Variants in CYP2J2 observed in about 807,000 individuals in gnomAD.
CYP2J2 encodes the protein cytochrome P450 2J2.
A neutral mutation model predicts 48.8 loss-of-function variants in CYP2J2; 41 were observed. That is an observed-to-expected ratio of 0.84 (90% CI 0.66 to 1.09). CYP2J2 has a LOEUF of 1.09. Among genes scored for constraint, CYP2J2 ranks in the 50% least tolerant of loss-of-function variants. The pLI, the probability that CYP2J2 is intolerant of heterozygous loss-of-function variation, is 0.00. For missense variants in CYP2J2, 644 were observed against 617.3 expected (o/e 1.04, Z -0.46); for synonymous variants, 221 against 227.1 (o/e 0.97, Z 0.24).
At chr1:59,968,262 G>A in the CYP2J2 span, among the ~76,000 whole-genome samples, 1 of 152,144 alleles carries the variant, frequency 6.6e-6, no homozygotes. Context: ...ATTGGAGTCA[G>A]ATGAAAATAT....
chr1:59,914,573 T>C (rs971834417), intron 2 of CYP2J2, among the ~76,000 whole-genome samples: 1 of 152,242 alleles, frequency 6.6e-6, no homozygotes, highest in Non-Finnish European at 1.5e-5. Context: ...CTGTGCAGGA[T>C]GTGCCTTGTT....
chr1:59,906,812 A>G (rs1289130599), intron 6 of CYP2J2, among the ~76,000 whole-genome samples: 1 of 152,206 alleles, frequency 6.6e-6, no homozygotes, highest in East Asian at 1.9e-4. Context: ...CATATAAAGC[A>G]TACATTATGC....
At chr1:59,914,263 T>C (rs1644444478) in intron 2 of CYP2J2, among the ~76,000 whole-genome samples, 1 of 152,218 alleles carries the variant, frequency 6.6e-6, no homozygotes, top group Non-Finnish European at 1.5e-5. Context: ...TCATGCCTAG[T>C]ACCATGCTTC....
chr1:59,967,215 C>T, the CYP2J2 span, among the ~76,000 whole-genome samples: 4 of 152,110 alleles, frequency 2.6e-5, no homozygotes, highest in African/African-American at 9.7e-5. Flanking sequence ...AAGCCAGGAA[C>T]AAATCTCCAG....
chr1:59,935,029 TATATATATATATATATATATATAC>T, the CYP2J2 span, among the ~76,000 whole-genome samples: 185 of 100,900 alleles, frequency 1.8e-3, 1 homozygote, highest in African/African-American at 6.9e-3. Context: ...TATATATATA[TATATATATATATATATATATATAC>T]ACAACAGAAT....
At chr1:59,936,177 C>A in the CYP2J2 span, among the ~76,000 whole-genome samples, 1 of 152,182 alleles carries the variant, frequency 6.6e-6, no homozygotes, top group Non-Finnish European at 1.5e-5. Context: ...ATTCTTAGAA[C>A]AGACTTCAGA....
intron 7 of CYP2J2, among the ~76,000 whole-genome samples, chr1:59,902,432 T>TA (rs1297773489): frequency 6.6e-6 from 1 of 152,022 alleles, no homozygotes; most frequent in African/African-American, 2.4e-5. Flanking sequence ...GTAATAACTT[T>TA]TTTTTTTAAT....
At chr1:59,903,730 A>G (rs1303398037) in intron 7 of CYP2J2, among the ~76,000 whole-genome samples, 2 of 152,230 alleles carry the variant, frequency 1.3e-5, no homozygotes, top group African/African-American at 2.4e-5. Context: ...ACTTAGACCA[A>G]TTGAAAAAAT....
the CYP2J2 span, among the ~76,000 whole-genome samples, chr1:59,945,366 T>G: frequency 6.6e-6 from 1 of 152,138 alleles, no homozygotes; most frequent in Non-Finnish European, 1.5e-5. Flanking sequence ...TTTAAAATGC[T>G]ATCTTAATCA....
At chr1:59,895,722 C>T (rs1273305954) in intron 8 of CYP2J2, among the ~76,000 whole-genome samples, 1 of 152,094 alleles carries the variant, frequency 6.6e-6, no homozygotes, top group Non-Finnish European at 1.5e-5. Context: ...CATATGTATA[C>T]ATGTGCCATG....
chr1:59,914,215 G>A (rs1644444109), intron 2 of CYP2J2, among the ~76,000 whole-genome samples: 1 of 152,116 alleles, frequency 6.6e-6, no homozygotes, highest in Non-Finnish European at 1.5e-5. Flanking sequence ...AACTACATAG[G>A]ATATGGATTT....
At chr1:59,903,259 C>T (rs75990542) in intron 7 of CYP2J2, among the ~76,000 whole-genome samples, 5 of 152,234 alleles carry the variant, frequency 3.3e-5, no homozygotes, top group African/African-American at 9.6e-5. Flanking sequence ...GGTACTTAGA[C>T]AGACTGGAAT....
At chr1:59,958,277 C>G in the CYP2J2 span, among the ~76,000 whole-genome samples, 1 of 152,142 alleles carries the variant, frequency 6.6e-6, no homozygotes, top group African/African-American at 2.4e-5. Flanking sequence ...AAACATTTCA[C>G]GTTACCCAAT....
chr1:59,935,025 T>TATATATATATATATACAC, the CYP2J2 span, among the ~76,000 whole-genome samples: 3 of 85,840 alleles, frequency 3.5e-5, no homozygotes, highest in South Asian at 1.5e-3. Flanking sequence ...CATATATATA[T>TATATATATATATATACAC]ATATATATAT....
At chr1:59,903,591 T>C (rs1644339327) in intron 7 of CYP2J2, among the ~76,000 whole-genome samples, 1 of 152,092 alleles carries the variant, frequency 6.6e-6, no homozygotes, top group Non-Finnish European at 1.5e-5. Flanking sequence ...TGGGTAATGG[T>C]TCAATCATAC....
At chr1:59,925,527 A>C (rs933507540) in intron 1 of CYP2J2, among the ~76,000 whole-genome samples, 1 of 152,194 alleles carries the variant, frequency 6.6e-6, no homozygotes, top group Non-Finnish European at 1.5e-5. Context: ...CAGAAATGAT[A>C]ACAAGAAAAT....
At chr1:59,951,509 A>G in the CYP2J2 span, among the ~76,000 whole-genome samples, 1 of 152,210 alleles carries the variant, frequency 6.6e-6, no homozygotes, top group African/African-American at 2.4e-5. Context: ...TGTGGTCCTT[A>G]TCTTCCCTGT....
intron 6 of CYP2J2, among the ~76,000 whole-genome samples, chr1:59,906,850 G>A (rs980483753): frequency 6.6e-6 from 1 of 152,136 alleles, no homozygotes; most frequent in Non-Finnish European, 1.5e-5. Context: ...ATAAAGTTCT[G>A]TAAACAAACT....
Position 59,907,857 on chromosome 1 carries a change from G to T in CYP2J2, c.932C>A (p.Ala311Asp). Residue 311 changes from alanine (A) to aspartate (D), a missense_variant, in exon 6 of 9, where the codon GCC (alanine) becomes GAC (aspartate). Coordinates refer to ENST00000371204, the MANE Select transcript of CYP2J2 (RefSeq NM_000775.4). ...AGTTGTGGAAGTTGTCTCGGTTCCGGCAAAGAAGAGGTCCAGGGTGCTGCA... is the reference window on the plus strand; with the variant it reads ...AGTTGTGGAAGTTGTCTCGGTTCCGTCAAAGAAGAGGTCCAGGGTGCTGCA... ...LICSTLDLFF[A>D]GTETTSTTLR... The T allele has an allele frequency of 6.2e-7, 1 of 1,614,016 alleles. No individual in the cohort carries two copies. Among genetic ancestry groups the T allele is most frequent in the Non-Finnish European group, 8.5e-7 (1 of 1,179,920 alleles).
Sources: gnomAD v4.1 joint callset for allele counts (sites outside exome capture counted in the v4.1 genomes callset) on GRCh38, gnomAD v4.1.1 for gene constraint, MANE v1.5 for transcripts, NCBI Gene and HGNC (gene_info 2026-07-23, HGNC 2026-07-21) for gene names.